Variants in TNFRSF10A observed in about 807,000 individuals in gnomAD.
The protein encoded by TNFRSF10A is tumor necrosis factor receptor superfamily member 10A.
Under a neutral mutation model 42.8 loss-of-function variants are expected in TNFRSF10A, and 44 were observed. That is an observed-to-expected ratio of 1.03 (90% CI 0.81 to 1.32). The LOEUF is 1.32. Ranked by LOEUF, TNFRSF10A falls within the 40% of genes most tolerant of loss-of-function variation. The pLI is 0.00. For missense variants in TNFRSF10A, 680 were observed against 602.0 expected, an observed-to-expected ratio of 1.13 and a Z score of -1.36; for synonymous variants, 259 against 234.2, an observed-to-expected ratio of 1.11 and a Z score of -0.97.
Position 23,199,309 on chromosome 8 carries a change from G to C in TNFRSF10A, c.971C>G (p.Thr324Arg). The C allele has an allele frequency of 6.2e-7, 1 of 1,614,188 alleles. No individual in the cohort carries two copies. The highest frequency in any genetic ancestry group is 1.3e-5 in the African/African-American group (1 of 75,044). ...QMESQEPADL[T>R]GVTVQSPGEA... is the part of the protein sequence containing the mutation. ...CCCTGGGGACTGTACAGTGACACCT[G>C]TCAAATCTGCCGGCTCCTGGCTTTC... is the stretch of plus-strand genomic sequence containing the variant. Residue 324 changes from threonine (T) to arginine (R), a missense_variant, in exon 8 of 10, where the codon ACA (threonine) becomes AGA (arginine). Transcript: ENST00000221132.
intron 2 of TNFRSF10A, among the ~76,000 whole-genome samples, chr8:23,204,378 A>G (rs1241781104): frequency 1.3e-5 from 2 of 152,228 alleles, no homozygotes; most frequent in Admixed American, 6.5e-5. Flanking sequence ...AATTAGGAAG[A>G]AAACTGCATG....
intron 1 of TNFRSF10A, among the ~76,000 whole-genome samples, chr8:23,221,359 C>T (rs1449622174): frequency 6.6e-6 from 1 of 152,266 alleles, no homozygotes; most frequent in African/African-American, 2.4e-5. Context: ...CCAACCCTGG[C>T]TGTCTTCAGC....
chr8:23,224,900 C>G lies in TNFRSF10A; in HGVS notation c.162G>C (p.Ala54=). ...CGTGCTGTCCCATGGAGGTAGGGAG[C>G]GCTCCTCGGCCCCCGCCTCGTGGTT... is the stretch of plus-strand genomic sequence containing the variant. The part of the protein sequence containing the change: ...RIEPRGGGRG[A]LPTSMGQHGP... The change falls in exon 1 of 10, where the codon GCG becomes GCC. Residue 54 remains alanine (A), a synonymous_variant. Transcript: ENST00000221132. The G allele has an allele frequency of 6.3e-7, 1 of 1,593,528 alleles. No individual in the cohort carries two copies. The highest frequency in any genetic ancestry group is 8.5e-7 in the Non-Finnish European group (1 of 1,170,318).
intron 8 of TNFRSF10A, among the ~76,000 whole-genome samples, chr8:23,197,504 T>A (rs1800843176): frequency 6.6e-6 from 1 of 152,194 alleles, no homozygotes; most frequent in African/African-American, 2.4e-5. Context: ...GAGAATCTTA[T>A]GCCTGATTAT....
chr8:23,217,332 C>T (rs1801198738), intron 1 of TNFRSF10A, among the ~76,000 whole-genome samples: 1 of 152,104 alleles, frequency 6.6e-6, no homozygotes, highest in South Asian at 2.1e-4. Context: ...TCTCCTGCCT[C>T]AGCCCTCCCC....
At chr8:23,198,739 G>A (rs1203518485) in intron 8 of TNFRSF10A, among the ~76,000 whole-genome samples, 2 of 152,158 alleles carry the variant, frequency 1.3e-5, no homozygotes, top group Non-Finnish European at 2.9e-5. Flanking sequence ...GTGCATGTGT[G>A]TGTGCATGTG....
intron 1 of TNFRSF10A, among the ~76,000 whole-genome samples, chr8:23,220,687 C>T (rs1169154607): frequency 6.6e-6 from 1 of 152,180 alleles, no homozygotes; most frequent in East Asian, 1.9e-4. Context: ...TGAAAGAGAA[C>T]TGAAGGCACT....
intron 9 of TNFRSF10A, among the ~76,000 whole-genome samples, chr8:23,194,214 A>G (rs1199554833): frequency 6.6e-6 from 1 of 152,144 alleles, no homozygotes; most frequent in East Asian, 1.9e-4. Flanking sequence ...ATAGGTCTAG[A>G]TGTGTTTATG....
chr8:23,212,498 A>C (rs1031772848), intron 1 of TNFRSF10A, among the ~76,000 whole-genome samples: 1 of 152,228 alleles, frequency 6.6e-6, no homozygotes, highest in African/African-American at 2.4e-5. Flanking sequence ...TGAGGCTGTC[A>C]TATTTCAATT....
chr8:23,199,538 C>T lies in TNFRSF10A; in HGVS notation c.832-90G>A, dbSNP rs58305497. 2,875 of 1,477,726 alleles carry T rather than the reference C, an allele frequency of 1.9e-3. 68 individuals are homozygous for T. The East Asian group carries it at 0.056, about 29-fold the overall frequency. 91.5% of individuals were successfully genotyped at this position (1,477,726 alleles called of 1,614,324 possible). ...ACGGCTGGACCTGCTGCCACCACCC[C>T]CTCCCAGTGAGGTCACTCCAGGAAG... On this transcript the variant is annotated intron_variant, in intron 7 of 9. Transcript: ENST00000221132.
In TNFRSF10A at chr8:23,199,272, A is replaced by G; in HGVS notation, c.1008T>C (p.Cys336=). 6.2e-7 allele frequency: 1 copy of G among 1,612,260 alleles called. No homozygotes were observed. The highest frequency in any genetic ancestry group is 8.5e-7 in the Non-Finnish European group (1 of 1,178,502). ...GGGCCTGTCCCCAACTCACCAGCAG[A>G]CACTGTGCCTCCCCTGGGGACTGTA... ...VTVQSPGEAQ[C]LLGPAEAEGS... The change falls in exon 8 of 10, where the codon TGT becomes TGC. Residue 336 remains cysteine (C), a synonymous_variant. Transcript: ENST00000221132.
intron 2 of TNFRSF10A, among the ~76,000 whole-genome samples, chr8:23,205,951 C>T (rs898470761): frequency 1.3e-5 from 2 of 151,966 alleles, no homozygotes; most frequent in Admixed American, 6.6e-5. Flanking sequence ...CTCCTGACCT[C>T]GTGATCCGCC....
intron 4 of TNFRSF10A, 72 bp downstream of exon 4, chr8:23,201,736 C>T (rs35071822): frequency 1.5e-4 from 198 of 1,347,252 alleles, no homozygotes; most frequent in Non-Finnish European, 1.9e-4. Context: ...CAAGGAGACT[C>T]GGGTCTTTTT....
chr8:23,218,843 G>T (rs1801219617), intron 1 of TNFRSF10A, among the ~76,000 whole-genome samples: 1 of 152,172 alleles, frequency 6.6e-6, no homozygotes, highest in Non-Finnish European at 1.5e-5. Flanking sequence ...AGACAATGAG[G>T]GTTCCTGTAC....
At chr8:23,223,948 G>A (rs1801292586) in intron 1 of TNFRSF10A, among the ~76,000 whole-genome samples, 1 of 152,202 alleles carries the variant, frequency 6.6e-6, no homozygotes, top group African/African-American at 2.4e-5. Context: ...TGTGCTCAGT[G>A]GACTCGAAAC....
intron 1 of TNFRSF10A, among the ~76,000 whole-genome samples, chr8:23,217,702 G>A (rs4336619): frequency 0.27 from 40,604 of 151,898 alleles, 5,896 homozygotes; most frequent in East Asian, 0.68. Flanking sequence ...ATCTGCATTG[G>A]TGCGGGCTTC....
chr8:23,196,860 G>C (rs1800830049), intron 9 of TNFRSF10A, among the ~76,000 whole-genome samples: 1 of 152,204 alleles, frequency 6.6e-6, no homozygotes, highest in Non-Finnish European at 1.5e-5. Context: ...CCTCAGGGCT[G>C]TTGTTCTCCT....
At chr8:23,193,601 T>G (rs1358333143) in intron 9 of TNFRSF10A, among the ~76,000 whole-genome samples, 2 of 151,914 alleles carry the variant, frequency 1.3e-5, no homozygotes, top group African/African-American at 4.8e-5. Flanking sequence ...GGCAAGTGAG[T>G]GTCTTTTGTG....
intron 1 of TNFRSF10A, among the ~76,000 whole-genome samples, chr8:23,220,464 G>A (rs1039342887): frequency 1.3e-5 from 2 of 152,200 alleles, no homozygotes; most frequent in Non-Finnish European, 2.9e-5. Flanking sequence ...AGACTGCCAG[G>A]GTTGGCCGTG....
Sources: gnomAD v4.1 joint callset for allele counts (sites outside exome capture counted in the v4.1 genomes callset) on GRCh38, gnomAD v4.1.1 for gene constraint, MANE v1.5 for transcripts, NCBI Gene and HGNC (gene_info 2026-07-23, HGNC 2026-07-21) for gene names.